Variants in PPP1R17 observed in about 807,000 individuals in gnomAD.
PPP1R17 encodes the protein protein phosphatase 1 regulatory subunit 17, also known as G-substrate.
A neutral mutation model predicts 15.9 loss-of-function variants in PPP1R17; 12 were observed. That is an observed-to-expected ratio of 0.75 (90% confidence interval 0.48 to 1.22). The LOEUF is 1.22. Ranked by LOEUF, PPP1R17 falls within the 50% of genes most tolerant of loss-of-function variation. The pLI, the probability that PPP1R17 is intolerant of heterozygous loss-of-function variation, is 0.00. For missense variants in PPP1R17, 211 were observed against 187.3 expected (o/e 1.13, Z -0.74); for synonymous variants, 63 against 64.5 (o/e 0.98, Z 0.11).
chr7:31,691,307 T>G (rs1328840709), intron 1 of PPP1R17, among the ~76,000 whole-genome samples: 1 of 152,228 alleles, frequency 6.6e-6, no homozygotes, highest in Non-Finnish European at 1.5e-5. Context: ...TTTTATGAGC[T>G]TGAAACATTA....
chr7:31,691,822 A>AAC (rs1792363458), intron 1 of PPP1R17, among the ~76,000 whole-genome samples: 1 of 141,648 alleles, frequency 7.1e-6, no homozygotes, highest in Non-Finnish European at 1.5e-5. Context: ...AAAAAAAAAA[A>AAC]CCAAGCAAAA....
intron 2 of PPP1R17, 31 bp from the exon 3 acceptor site, chr7:31,695,438 T>G: frequency 6.4e-7 from 1 of 1,569,894 alleles, no homozygotes; most frequent in Non-Finnish European, 8.6e-7. Flanking sequence ...CATGTTATAT[T>G]CTTTATTTCT....
In PPP1R17 at chr7:31,699,002, G is replaced by A. The variant is rs542684700; in HGVS notation, c.388+1885G>A. Among the ~76,000 whole-genome samples the A allele has an allele frequency of 2.0e-5, 3 of 152,130 alleles. 1 individual carries two copies. The South Asian group carries it at 6.2e-4, about 32-fold the overall frequency. On this transcript the variant is annotated intron_variant, in intron 4 of 4. Transcript: ENST00000342032. Reference sequence around the variant, plus strand: ...TGTGCCAGGCACAGCTCAAGTGCTGGGCATACACTGGAAAACAAACCCCAA... The same window carrying A: ...TGTGCCAGGCACAGCTCAAGTGCTGAGCATACACTGGAAAACAAACCCCAA...
chr7:31,698,786 T>C (rs1792721866), intron 4 of PPP1R17, among the ~76,000 whole-genome samples: 1 of 152,200 alleles, frequency 6.6e-6, no homozygotes, highest in South Asian at 2.1e-4. Flanking sequence ...AGAAATTGCT[T>C]CTTTAGATTT....
intron 4 of PPP1R17, among the ~76,000 whole-genome samples, chr7:31,699,602 C>T (rs1792754797): frequency 6.6e-6 from 1 of 151,800 alleles, no homozygotes; most frequent in South Asian, 2.1e-4. Context: ...TACCTCATTC[C>T]ATTTCTCTTC....
chr7:31,691,526 T>A (rs1312836098), intron 1 of PPP1R17, among the ~76,000 whole-genome samples: 2 of 152,076 alleles, frequency 1.3e-5, no homozygotes, highest in African/African-American at 4.8e-5. Context: ...GCTAATGCAT[T>A]TCTCCTTCAG....
chr7:31,699,923 C>T (rs1403919173), intron 4 of PPP1R17, among the ~76,000 whole-genome samples: 2 of 152,032 alleles, frequency 1.3e-5, no homozygotes, highest in African/African-American at 4.8e-5. Flanking sequence ...GTGGTGTATG[C>T]GTTCTGTCTG....
At chr7:31,706,336 C>A (rs1793071103) in intron 4 of PPP1R17, among the ~76,000 whole-genome samples, 1 of 151,922 alleles carries the variant, frequency 6.6e-6, no homozygotes, top group Non-Finnish European at 1.5e-5. Flanking sequence ...TAGTGTGGAG[C>A]CCAACATAGG....
At chr7:31,691,818 A>C (rs1223585818) in intron 1 of PPP1R17, among the ~76,000 whole-genome samples, 9 of 151,468 alleles carry the variant, frequency 5.9e-5, no homozygotes, top group African/African-American at 1.7e-4. Flanking sequence ...AAAAAAAAAA[A>C]AAAACCAAGC....
At chr7:31,701,925 A>G (rs946903962) in intron 4 of PPP1R17, among the ~76,000 whole-genome samples, 1 of 152,240 alleles carries the variant, frequency 6.6e-6, no homozygotes, top group African/African-American at 2.4e-5. Context: ...GGGAAACCAA[A>G]AAATTTGTAT....
intron 4 of PPP1R17, among the ~76,000 whole-genome samples, chr7:31,701,675 C>T (rs572697356): frequency 2.6e-5 from 4 of 152,364 alleles, no homozygotes; most frequent in African/African-American, 9.6e-5. Flanking sequence ...GAAAACTTCA[C>T]TGTCATCTTG....
Position 31,707,882 on chromosome 7 carries a change from T to C in PPP1R17, c.*599T>C, listed in dbSNP as rs915203990. On this transcript the variant is annotated 3_prime_UTR_variant, in exon 5 of 5. Coordinates refer to ENST00000342032, the MANE Select transcript of PPP1R17 (RefSeq NM_006658.5). ...CTGGGGGAGTCAACCCAGCCCACCA[T>C]GCCTTGGCTGATGATACCAGAGGCA... The C allele has an allele frequency of 6.6e-6, 1 of 152,282 alleles. No individual in the cohort carries two copies. The highest frequency in any genetic ancestry group is 1.5e-5 in the Non-Finnish European group (1 of 68,096). 9.4% of individuals were successfully genotyped at this position (152,282 alleles called of 1,614,324 possible).
At chr7:31,699,424 G>A (rs1489819612) in intron 4 of PPP1R17, among the ~76,000 whole-genome samples, 5 of 152,184 alleles carry the variant, frequency 3.3e-5, no homozygotes, top group Admixed American at 1.3e-4. Flanking sequence ...TTCTTTCAGA[G>A]CAGTTTTAAT....
intron 4 of PPP1R17, among the ~76,000 whole-genome samples, chr7:31,704,751 G>A (rs548206362): frequency 9.2e-5 from 14 of 152,256 alleles, no homozygotes; most frequent in African/African-American, 3.1e-4. Context: ...TGAGGCTCAG[G>A]TAGGTTAAGT....
In PPP1R17 at chr7:31,697,043, A is replaced by G. The variant is rs1188418233; in HGVS notation, c.314A>G (p.His105Arg). The change falls in exon 4 of 5, where the codon CAT (histidine) becomes CGT (arginine). Residue 105 changes from histidine to arginine, a missense_variant. By Grantham distance (29) the His-to-Arg change is conservative. Coordinates refer to ENST00000342032, the MANE Select transcript of PPP1R17 (RefSeq NM_006658.5). ...AAGGGCAAAATGATCCCTGTTCTTC[A>G]TAACACTGACCTGGAACAGAAAAAG... ...HPKGKMIPVL[H>R]NTDLEQKKPR... 14 of 1,614,066 alleles carry G rather than the reference A, an allele frequency of 8.7e-6. No homozygotes were observed. The highest frequency in any genetic ancestry group is 3.3e-4 in the Middle Eastern group (2 of 6,084).
chr7:31,704,019 A>C (rs1792964200), intron 4 of PPP1R17, among the ~76,000 whole-genome samples: 1 of 152,228 alleles, frequency 6.6e-6, no homozygotes, highest in African/African-American at 2.4e-5. Context: ...GGCCTGCTTA[A>C]GAGTGAAAAG....
At chr7:31,694,701 C>T (rs192935926) in intron 2 of PPP1R17, among the ~76,000 whole-genome samples, 2 of 152,078 alleles carry the variant, frequency 1.3e-5, no homozygotes, top group East Asian at 3.9e-4. Flanking sequence ...CAGTGAAGTC[C>T]AAGGCAGAAC....
At chr7:31,690,524 T>C (rs1315195763) in intron 1 of PPP1R17, among the ~76,000 whole-genome samples, 1 of 152,210 alleles carries the variant, frequency 6.6e-6, no homozygotes, top group African/African-American at 2.4e-5. Context: ...TCTATTACAT[T>C]GGGCCCCATT....
chr7:31,692,358 A>G (rs1186782389), intron 1 of PPP1R17, 48 bp from the exon 2 acceptor site: 6 of 1,092,092 alleles, frequency 5.5e-6, no homozygotes, highest in African/African-American at 1.6e-5. Flanking sequence ...GATTGAATGA[A>G]TGAATAAACA....
Sources: gnomAD v4.1 joint callset for allele counts (sites outside exome capture counted in the v4.1 genomes callset) on GRCh38, gnomAD v4.1.1 for gene constraint, MANE v1.5 for transcripts, NCBI Gene and HGNC (gene_info 2026-07-23, HGNC 2026-07-21) for gene names.